Variants in TTC28 observed in about 807,000 individuals in gnomAD.
TTC28 encodes the protein tetratricopeptide repeat domain 28, also known as tetratricopeptide repeat protein 28.
A neutral mutation model predicts 198.0 loss-of-function variants in TTC28; 61 were observed. The observed-to-expected ratio is 0.31, with a 90% CI of 0.25 to 0.38. The LOEUF (loss-of-function observed/expected upper bound fraction) is 0.38, where lower values mean the gene tolerates loss of function less well. TTC28 is among the 10% of genes least tolerant of loss of function. The pLI, the probability that TTC28 is intolerant of heterozygous loss-of-function variation, is 1.00. For missense variants in TTC28, 2,678 were observed against 3,164.0 expected (o/e 0.85, Z 3.69); for synonymous variants, 1,171 against 1,297.8 (o/e 0.90, Z 2.10).
At chr22:28,512,137 A>T (rs2048697876) in intron 2 of TTC28, among the ~76,000 whole-genome samples, 1 of 152,134 alleles carries the variant, frequency 6.6e-6, no homozygotes, top group African/African-American at 2.4e-5. Flanking sequence ...AGCAAAGGAC[A>T]TGGACAGACA....
At chr22:28,149,989 T>C (rs1203338833) in intron 6 of TTC28, among the ~76,000 whole-genome samples, 7 of 152,128 alleles carry the variant, frequency 4.6e-5, no homozygotes, top group Non-Finnish European at 1.5e-5. Context: ...ATATCAAATA[T>C]CACATTGTAT....
chr22:28,371,620 A>G (rs767509221), intron 2 of TTC28, among the ~76,000 whole-genome samples: 114 of 2,842 alleles, frequency 0.04, 3 homozygotes, highest in South Asian at 0.11. Context: ...TTTGAGACAG[A>G]GTCTCACTCT....
intron 5 of TTC28, among the ~76,000 whole-genome samples, chr22:28,203,276 T>C (rs1191411740): frequency 6.6e-6 from 1 of 152,122 alleles, no homozygotes; most frequent in Non-Finnish European, 1.5e-5. Context: ...GGTAAGGACC[T>C]ACCACCTTGC....
rs535399331 is a variant in TTC28 at position 28,035,949 on chromosome 22, T to C, written c.3933-5583A>G. Among the ~76,000 whole-genome samples, 30 of 152,272 alleles carry C rather than the reference T, an allele frequency of 2.0e-4. No homozygotes were observed. In the South Asian group the frequency reaches 5.8e-3, roughly 29 times the overall value. On this transcript the variant is annotated intron_variant, in intron 12 of 22. Coordinates refer to ENST00000397906, the MANE Select transcript of TTC28 (RefSeq NM_001145418.2). Reference sequence around the variant, plus strand: ...AACAAGAAGAGCTGACTCTCCTAAATATATATGCACCCAATACAGGAGCAT... The same window carrying C: ...AACAAGAAGAGCTGACTCTCCTAAACATATATGCACCCAATACAGGAGCAT...
chr22:28,382,420 A>G (rs749436087), intron 2 of TTC28, among the ~76,000 whole-genome samples: 3 of 152,176 alleles, frequency 2.0e-5, no homozygotes, highest in Non-Finnish European at 2.9e-5. Context: ...GATATAAATG[A>G]AGCACAGCAA....
rs35292146 is a variant in TTC28 at position 28,677,158 on chromosome 22, GAAA to G, written c.102+2461_102+2463del. Among the ~76,000 whole-genome samples, 313 of 45,020 alleles carry G rather than the reference GAAA, an allele frequency of 7.0e-3. 1 individual carries two copies. The highest frequency in any genetic ancestry group is 0.016 in the Admixed American group (51 of 3,214). 29.5% of individuals were successfully genotyped at this position (45,020 alleles called of 152,430 possible). On this transcript the variant is annotated intron_variant, in intron 1 of 22. Coordinates refer to ENST00000397906, the MANE Select transcript of TTC28 (RefSeq NM_001145418.2). ...GTGACAGAGCAAGACTCCATCTCAG[GAAA>G]AAAAAAAAAAAAAAATATATATATA...
chr22:28,166,036 C>T (rs1016018483), intron 5 of TTC28, among the ~76,000 whole-genome samples: 3 of 152,046 alleles, frequency 2.0e-5, no homozygotes, highest in African/African-American at 2.4e-5. Context: ...ATCCTAGTCT[C>T]GGGTAAAACA....
chr22:28,428,659 G>A (rs2047387119), intron 2 of TTC28, among the ~76,000 whole-genome samples: 2 of 100,788 alleles, frequency 2.0e-5, no homozygotes, highest in South Asian at 7.6e-4. Flanking sequence ...TATTTTTTGA[G>A]ACAGAGTCTT....
chr22:28,548,009 T>G (rs2049581049), intron 2 of TTC28, among the ~76,000 whole-genome samples: 1 of 152,060 alleles, frequency 6.6e-6, no homozygotes, highest in Non-Finnish European at 1.5e-5. Flanking sequence ...TGCTCTCTTT[T>G]GGAACTCTCT....
intron 5 of TTC28, among the ~76,000 whole-genome samples, chr22:28,264,028 G>T (rs1178428892): frequency 6.6e-6 from 1 of 152,138 alleles, no homozygotes; most frequent in Non-Finnish European, 1.5e-5. Flanking sequence ...TGGGGAGGCA[G>T]AAAGACCAAT....
At chr22:28,259,837 T>C (rs1601542444) in intron 5 of TTC28, among the ~76,000 whole-genome samples, 1 of 152,278 alleles carries the variant, frequency 6.6e-6, no homozygotes, top group Admixed American at 6.6e-5. Flanking sequence ...TTAAAAACTA[T>C]GGTGACATGG....
intron 12 of TTC28, among the ~76,000 whole-genome samples, chr22:28,061,370 A>C (rs1298124278): frequency 6.6e-6 from 1 of 152,176 alleles, no homozygotes; most frequent in Admixed American, 6.5e-5. Context: ...TTAAGTCTTT[A>C]ATCCATCTTG....
At chr22:28,337,599 G>A (rs745501624) in intron 2 of TTC28, among the ~76,000 whole-genome samples, 12 of 152,090 alleles carry the variant, frequency 7.9e-5, no homozygotes, top group Non-Finnish European at 1.0e-4. Context: ...ATGTAATGGC[G>A]TTCTTTGTCT....
At chr22:28,311,812 A>C (rs575109020) in intron 2 of TTC28, among the ~76,000 whole-genome samples, 80 of 152,040 alleles carry the variant, frequency 5.3e-4, no homozygotes, top group Non-Finnish European at 8.5e-4. Flanking sequence ...ACTCGCCCCC[A>C]CACACACACT....
At chr22:28,105,025 T>C (rs1165447098) in intron 8 of TTC28, among the ~76,000 whole-genome samples, 1 of 152,150 alleles carries the variant, frequency 6.6e-6, no homozygotes, top group Admixed American at 6.5e-5. Context: ...ATGCTGTCAC[T>C]GAGAGAGTAA....
chr22:28,334,898 CTT>C (rs869065700), intron 2 of TTC28, among the ~76,000 whole-genome samples: 4 of 152,120 alleles, frequency 2.6e-5, no homozygotes, highest in African/African-American at 4.8e-5. Context: ...GTTGCCATTG[CTT>C]TTGGTGTTTT....
intron 6 of TTC28, among the ~76,000 whole-genome samples, chr22:28,125,083 C>T (rs561230803): frequency 2.6e-5 from 4 of 152,204 alleles, no homozygotes; most frequent in Non-Finnish European, 5.9e-5. Flanking sequence ...CTCCAAAGAG[C>T]TCACCATGCT....
intron 6 of TTC28, among the ~76,000 whole-genome samples, chr22:28,119,624 A>T (rs1323696448): frequency 6.6e-6 from 1 of 152,150 alleles, no homozygotes; most frequent in Non-Finnish European, 1.5e-5. Context: ...TATCTGGGAG[A>T]CCACACTGGC....
At chr22:28,280,262 C>T (rs908231931) in intron 5 of TTC28, among the ~76,000 whole-genome samples, 9 of 151,684 alleles carry the variant, frequency 5.9e-5, no homozygotes, top group East Asian at 1.9e-4. Flanking sequence ...TACAATTCAA[C>T]GCTATACTTT....
Sources: gnomAD v4.1 joint callset for allele counts (sites outside exome capture counted in the v4.1 genomes callset) on GRCh38, gnomAD v4.1.1 for gene constraint, MANE v1.5 for transcripts, NCBI Gene and HGNC (gene_info 2026-07-23, HGNC 2026-07-21) for gene names.